CASD1: variants seen among roughly 807,000 people sequenced by gnomAD.
CASD1 encodes the protein CAS1 domain sialic acid O acetyltransferase 1.
In CASD1, 41 loss-of-function variants were observed where a neutral mutation model predicts 100.0. The ratio of observed to expected loss-of-function variants is 0.41; its 90% confidence interval spans 0.32 to 0.53. The LOEUF is 0.53. Ranked by LOEUF, CASD1 falls within the 20% of genes least tolerant of loss-of-function variation. The probability of loss-of-function intolerance (pLI) is 0.25; values close to 1 mark genes in which losing one functional copy is unlikely to be tolerated. For missense variants in CASD1, 774 were observed against 948.7 expected, an observed-to-expected ratio of 0.82 and a Z score of 2.42; for synonymous variants, 321 against 315.6, an observed-to-expected ratio of 1.02 and a Z score of -0.18.
chr7:94,628,686 T>A, the CASD1 span: 1 of 287,086 alleles, frequency 3.5e-6, no homozygotes, highest in Non-Finnish European at 6.7e-6. Flanking sequence ...ATCATGCTAA[T>A]GTACTCATTC....
Position 94,547,121 on chromosome 7 carries a change from A to G in CASD1, c.1659A>G (p.Leu553=), listed in dbSNP as rs1562947927. 1.3e-6 allele frequency: 2 copies of G among 1,593,454 alleles called. No individual in the cohort carries two copies. The highest frequency in any genetic ancestry group is 1.7e-5 in the Admixed American group (1 of 58,788). Residue 553 remains leucine, a synonymous_variant, in exon 13 of 18, where the codon TTA becomes TTG. Transcript: ENST00000297273. ...ANGNCFWHFG[L]LLKLGFLLLF... is the part of the protein sequence containing the mutation. ...GAAATTGTTTCTGGCATTTTGGCTTACTGTTGAAACTAGGCTTTTTGCTGT... is the reference window on the plus strand; with the variant it reads ...GAAATTGTTTCTGGCATTTTGGCTTGCTGTTGAAACTAGGCTTTTTGCTGT...
At chr7:94,536,496 T>C (rs1183678627) in intron 8 of CASD1, among the ~76,000 whole-genome samples, 2 of 152,178 alleles carry the variant, frequency 1.3e-5, no homozygotes, top group Non-Finnish European at 2.9e-5. Context: ...GACAATGGTT[T>C]TGTTCTTCTC....
chr7:94,617,789 T>C, the CASD1 span: 1 of 57,144 alleles, frequency 1.7e-5, no homozygotes, highest in South Asian at 3.7e-4. Context: ...CCATCTGCCT[T>C]TTACCTACCC....
At chr7:94,620,060 G>T in the CASD1 span, 1 of 152,102 alleles carries the variant, frequency 6.6e-6, no homozygotes, top group South Asian at 2.1e-4. Context: ...GTCCCCAGTA[G>T]TAATTACACT....
chr7:94,532,345 C>T (rs1413727485), intron 5 of CASD1, among the ~76,000 whole-genome samples: 1 of 151,952 alleles, frequency 6.6e-6, no homozygotes, highest in East Asian at 1.9e-4. Context: ...GCTTTGGGGT[C>T]ATTATTGAGT....
At chr7:94,628,601 G>T in the CASD1 span, 1 of 484,316 alleles carries the variant, frequency 2.1e-6, no homozygotes, top group African/African-American at 2.0e-5. Context: ...CAATTTTCTT[G>T]GAAATATATT....
At chr7:94,614,606 A>G in the CASD1 span, among the ~76,000 whole-genome samples, 2 of 152,252 alleles carry the variant, frequency 1.3e-5, no homozygotes, top group Non-Finnish European at 1.5e-5. Context: ...TCATTTTCTC[A>G]GCAGGCTAAT....
At chr7:94,575,426 T>C in the CASD1 span, among the ~76,000 whole-genome samples, 4 of 152,346 alleles carry the variant, frequency 2.6e-5, no homozygotes, top group East Asian at 7.7e-4. Flanking sequence ...TGGTATGATT[T>C]CCATTGTTTT....
At chr7:94,623,629 A>C in the CASD1 span, 1 of 502,500 alleles carries the variant, frequency 2.0e-6, no homozygotes, top group Non-Finnish European at 3.5e-6. Flanking sequence ...AGTTAAAATC[A>C]GAAAGACTCT....
At chr7:94,610,994 A>G in the CASD1 span, among the ~76,000 whole-genome samples, 1 of 152,226 alleles carries the variant, frequency 6.6e-6, no homozygotes, top group Non-Finnish European at 1.5e-5. Flanking sequence ...AAAGGCAGAT[A>G]ATAGCTAGTG....
chr7:94,515,145 G>A (rs1482887509), intron 1 of CASD1, among the ~76,000 whole-genome samples: 1 of 151,868 alleles, frequency 6.6e-6, no homozygotes, highest in Non-Finnish European at 1.5e-5. Flanking sequence ...TGTCTACTTA[G>A]CAATCCTTTA....
At chr7:94,545,362 C>G (rs1002481967) in intron 11 of CASD1, among the ~76,000 whole-genome samples, 183 bp from the exon 12 acceptor site, 2 of 151,984 alleles carry the variant, frequency 1.3e-5, no homozygotes, top group Admixed American at 1.3e-4. Flanking sequence ...ATTTTATATT[C>G]AGCTCTTTAC....
At chr7:94,546,222 C>T (rs553969542) in intron 12 of CASD1, among the ~76,000 whole-genome samples, 1 of 152,008 alleles carries the variant, frequency 6.6e-6, no homozygotes, top group Non-Finnish European at 1.5e-5. Context: ...CAGTTATTAT[C>T]AACCTGTTTT....
At chr7:94,540,047 G>C (rs549808005) in intron 10 of CASD1, among the ~76,000 whole-genome samples, 1 of 152,218 alleles carries the variant, frequency 6.6e-6, no homozygotes, top group Non-Finnish European at 1.5e-5. Flanking sequence ...TTAAAAGACA[G>C]GATTATTATG....
intron 10 of CASD1, among the ~76,000 whole-genome samples, chr7:94,541,249 T>C (rs1490561897): frequency 6.6e-6 from 1 of 152,000 alleles, no homozygotes; most frequent in Admixed American, 6.6e-5. Flanking sequence ...ATTTGAGGGA[T>C]TACTCGTACT....
chr7:94,604,197 T>C, the CASD1 span, among the ~76,000 whole-genome samples: 1 of 152,084 alleles, frequency 6.6e-6, no homozygotes, highest in African/African-American at 2.4e-5. Context: ...TTGGAGCAGC[T>C]TGAGAAGATA....
the CASD1 span, among the ~76,000 whole-genome samples, chr7:94,604,693 C>G: frequency 2.5e-3 from 370 of 150,650 alleles, 5 homozygotes; most frequent in South Asian, 0.028. Context: ...ATATCCTGTC[C>G]TACCTAAGAA....
chr7:94,539,896 T>A (rs1488546752), intron 10 of CASD1, among the ~76,000 whole-genome samples: 1 of 152,174 alleles, frequency 6.6e-6, no homozygotes, highest in African/African-American at 2.4e-5. Context: ...GTGGACCACC[T>A]TTGTAGACTA....
chr7:94,580,386 T>TCTC, the CASD1 span, among the ~76,000 whole-genome samples: 2 of 152,156 alleles, frequency 1.3e-5, no homozygotes, highest in African/African-American at 4.8e-5. Context: ...CTCACTAGGC[T>TCTC]CTCTTCTTCC....
Sources: allele counts gnomAD v4.1 joint callset (sites outside exome capture counted in the v4.1 genomes callset), GRCh38; gene constraint gnomAD v4.1.1; transcripts MANE v1.5; gene names NCBI Gene and HGNC (gene_info 2026-07-23, HGNC 2026-07-21).